Variants in CACNA2D2 observed in about 807,000 individuals in gnomAD.
The protein encoded by CACNA2D2 is voltage-dependent calcium channel subunit alpha-2/delta-2.
CACNA2D2 carries 48 observed loss-of-function variants against 166.4 expected under a neutral mutation model. The observed-to-expected ratio is 0.29, with a 90% CI of 0.23 to 0.37. The LOEUF is 0.37. CACNA2D2 is among the 10% of genes least tolerant of loss of function. The pLI is 1.00. For missense variants in CACNA2D2, 1,122 were observed against 1,433.0 expected (o/e 0.78, Z 3.50); for synonymous variants, 561 against 573.7 (o/e 0.98, Z 0.32).
At chr3:50,497,547 G>A (rs546315491) in intron 1 of CACNA2D2, among the ~76,000 whole-genome samples, 18 of 152,244 alleles carry the variant, frequency 1.2e-4, no homozygotes, top group African/African-American at 3.9e-4. Context: ...GAGGGCCCAG[G>A]TGAGAGGAGC....
Position 50,439,211 on chromosome 3 carries a change from G to A in CACNA2D2, c.289-4782C>T, listed in dbSNP as rs960386232. Among the ~76,000 whole-genome samples, 3 of 152,238 alleles carry A rather than the reference G, an allele frequency of 2.0e-5. No homozygotes were observed. In the South Asian group the frequency reaches 6.2e-4, roughly 32 times the overall value. On this transcript the variant is annotated intron_variant, in intron 2 of 37. Transcript: ENST00000424201. ...CCTGAAGGGCTTGGGGCGGATGCAGGCAGAGGCTGAAAGACTGAGGCCCCT... is the reference window on the plus strand; with the variant it reads ...CCTGAAGGGCTTGGGGCGGATGCAGACAGAGGCTGAAAGACTGAGGCCCCT...
chr3:50,460,184 T>C (rs1709529597), intron 2 of CACNA2D2, among the ~76,000 whole-genome samples: 1 of 152,222 alleles, frequency 6.6e-6, no homozygotes, highest in Non-Finnish European at 1.5e-5. Flanking sequence ...ACATGACAAC[T>C]AAATGCAAAG....
chr3:50,444,098 C>A (rs1171918518), intron 2 of CACNA2D2, among the ~76,000 whole-genome samples: 1 of 152,204 alleles, frequency 6.6e-6, no homozygotes, highest in Non-Finnish European at 1.5e-5. Context: ...CCACCCCTCA[C>A]AACCCTGATA....
rs1699077962 is a variant in CACNA2D2 at position 50,503,527 on chromosome 3, T to A, written c.-104A>T. On this transcript the variant is annotated 5_prime_UTR_variant, in exon 1 of 38. Coordinates refer to ENST00000424201, the MANE Select transcript of CACNA2D2 (RefSeq NM_006030.4). Reference sequence around the variant, plus strand: ...GGGCGGCGGGCGGTAACTCGGCCTCTCCTCCGCCGCCGCCTTCTCCGCGAG... The same window carrying A: ...GGGCGGCGGGCGGTAACTCGGCCTCACCTCCGCCGCCGCCTTCTCCGCGAG... 1.2e-5 allele frequency: 2 copies of A among 167,196 alleles called. No individual in the cohort carries two copies. Among genetic ancestry groups the A allele is most frequent in the African/African-American group, 2.4e-5 (1 of 41,220 alleles). The allele number at this position is 167,196 out of a possible 1,614,324, so 10.4% of individuals were successfully genotyped here.
chr3:50,480,258 T>G (rs1697988149), intron 1 of CACNA2D2, among the ~76,000 whole-genome samples: 1 of 152,236 alleles, frequency 6.6e-6, no homozygotes, highest in Non-Finnish European at 1.5e-5. Context: ...TCTGCCGCTG[T>G]GTGACCTCAA....
chr3:50,458,600 A>G (rs1418484804), intron 2 of CACNA2D2, among the ~76,000 whole-genome samples: 1 of 152,240 alleles, frequency 6.6e-6, no homozygotes, highest in African/African-American at 2.4e-5. Flanking sequence ...CTCAGCTGCT[A>G]CAAGAGAAGT....
At position 50,379,185 on chromosome 3, in the gene CACNA2D2, C is replaced by T; in HGVS notation, c.1167G>A (p.Arg389=). 1 of 1,613,780 alleles carries T rather than the reference C, an allele frequency of 6.2e-7. No homozygotes were observed. Among genetic ancestry groups the T allele is most frequent in the East Asian group, 2.2e-5 (1 of 44,876 alleles). Residue 389 remains arginine (R), a synonymous_variant, in exon 12 of 38, where the codon CGG becomes CGA. Coordinates refer to ENST00000424201, the MANE Select transcript of CACNA2D2 (RefSeq NM_006030.4). The surrounding 1 kb of genome is among the most constrained non-coding windows in gnomAD (Gnocchi z 6.5). The part of the protein sequence containing the change: ...FDQLQNSNIT[R]ANCNKMIMMF... ...TCATGATCATCTTGTTGCAGTTGGCCCGAGTGATGTTGGACTGAGGGGAGT... is the reference window on the plus strand; with the variant it reads ...TCATGATCATCTTGTTGCAGTTGGCTCGAGTGATGTTGGACTGAGGGGAGT...
Position 50,367,974 on chromosome 3 carries a change from T to G in CACNA2D2, c.2144-72A>C. On this transcript the variant is annotated intron_variant, in intron 24 of 37. Coordinates refer to ENST00000424201, the MANE Select transcript of CACNA2D2 (RefSeq NM_006030.4). The surrounding 1 kb of genome is among the most constrained non-coding windows in gnomAD (Gnocchi z 6.5). Reference sequence around the variant, plus strand: ...TCCTTGCCCACCCTCACCCCCACCCTTAAGGCTCCACCAGGAGCCTCCTCC... The same window carrying G: ...TCCTTGCCCACCCTCACCCCCACCCGTAAGGCTCCACCAGGAGCCTCCTCC... 14 of 1,071,784 alleles carry G rather than the reference T, an allele frequency of 1.3e-5. No homozygotes were observed. Among genetic ancestry groups the G allele is most frequent in the East Asian group, 3.0e-5 (1 of 33,404 alleles). 66.4% of individuals were successfully genotyped at this position (1,071,784 alleles called of 1,614,324 possible). A position where few individuals can be genotyped will look rare whatever the true frequency, so the allele number is the denominator to read the frequency against.
At chr3:50,389,923 T>C (rs1705804017) in intron 4 of CACNA2D2, among the ~76,000 whole-genome samples, 1 of 151,134 alleles carries the variant, frequency 6.6e-6, no homozygotes, top group African/African-American at 2.4e-5. Context: ...CACAAGGTCA[T>C]ACATGTGAAA....
chr3:50,370,432 G>C, intron 22 of CACNA2D2, 52 bp from the exon 23 acceptor site: 1 of 827,082 alleles, frequency 1.2e-6, no homozygotes, highest in Non-Finnish European at 2.0e-6. Flanking sequence ...GCTGGAGGCC[G>C]GGGGGCTCAG....
chr3:50,454,380 G>A (rs1166329391), intron 2 of CACNA2D2, among the ~76,000 whole-genome samples: 3 of 152,198 alleles, frequency 2.0e-5, no homozygotes, highest in Non-Finnish European at 4.4e-5. Flanking sequence ...ACCCTCCCTG[G>A]CCCACTCACA....
In CACNA2D2 at chr3:50,378,998, G is replaced by C. The variant is rs201656322; in HGVS notation, c.1261-5C>G. ...GGAGAAAGTAAACACGCGCACCTGT[G>C]GGGGGTTTGAGGTTACTGCTGTGGC... On this transcript the variant is annotated splice_polypyrimidine_tract_variant and splice_region_variant and intron_variant, in intron 12 of 37. Transcript: ENST00000424201. The C allele has an allele frequency of 5.6e-6, 9 of 1,613,920 alleles. No individual in the cohort carries two copies. Among genetic ancestry groups the C allele is most frequent in the Middle Eastern group, 1.6e-4 (1 of 6,062 alleles).
At chr3:50,370,268 C>CG in intron 23 of CACNA2D2, 52 bp downstream of exon 23, 2 of 1,313,846 alleles carry the variant, frequency 1.5e-6, no homozygotes, top group South Asian at 2.5e-5. Context: ...GAGGTGGGGC[C>CG]GGGGCGGTCA....
rs140938940 is a variant in CACNA2D2 at position 50,435,134 on chromosome 3, G to GGGGTGT, written c.289-706_289-705insACACCC. ...GTGCATGTGGCAGTGTAAATCTGAG[G>GGGGTGT]GTGTGTGTGTGTGTGTGTGTGAGGG... On this transcript the variant is annotated intron_variant, in intron 2 of 37. Transcript: ENST00000424201. Among the ~76,000 whole-genome samples, 529 of 149,798 alleles carry GGGGTGT rather than the reference G, an allele frequency of 3.5e-3. 7 individuals are homozygous for GGGGTGT. In the East Asian group the frequency reaches 0.049, roughly 14 times the overall value.
intron 2 of CACNA2D2, among the ~76,000 whole-genome samples, chr3:50,473,169 C>T (rs1710170760): frequency 6.6e-6 from 1 of 152,228 alleles, no homozygotes; most frequent in South Asian, 2.1e-4. Context: ...GAGGTCTTCA[C>T]AGGGAGTGCC....
intron 1 of CACNA2D2, among the ~76,000 whole-genome samples, chr3:50,493,803 G>C (rs1373721413): frequency 6.6e-6 from 1 of 152,210 alleles, no homozygotes; most frequent in African/African-American, 2.4e-5. Context: ...ACTCACAAAG[G>C]GCAGGGAGCC....
At chr3:50,453,120 C>T (rs531870778) in intron 2 of CACNA2D2, among the ~76,000 whole-genome samples, 57 of 152,262 alleles carry the variant, frequency 3.7e-4, no homozygotes, top group South Asian at 2.1e-4. Context: ...TCACTGAGAC[C>T]CTAACACCAG....
chr3:50,456,267 G>A (rs1447486191), intron 2 of CACNA2D2, among the ~76,000 whole-genome samples: 1 of 152,208 alleles, frequency 6.6e-6, no homozygotes, highest in Admixed American at 6.5e-5. Flanking sequence ...CCTGAGTTCT[G>A]GTTGGCTCCC....
intron 3 of CACNA2D2, among the ~76,000 whole-genome samples, chr3:50,412,424 C>G (rs1216456534): frequency 6.6e-6 from 1 of 152,208 alleles, no homozygotes; most frequent in Non-Finnish European, 1.5e-5. Flanking sequence ...AAATTAACCT[C>G]CCCCAATTAC....
Sources: allele counts gnomAD v4.1 joint callset (sites outside exome capture counted in the v4.1 genomes callset), GRCh38; gene constraint gnomAD v4.1.1; non-coding constraint Gnocchi (gnomAD v3.1); transcripts MANE v1.5; gene names NCBI Gene and HGNC (gene_info 2026-07-23, HGNC 2026-07-21).